The following SCRN3 variants were observed in gnomAD, a reference collection of about 807,000 sequenced individuals.
The protein encoded by SCRN3 is secernin 3.
In SCRN3, 39 loss-of-function variants were observed where a neutral mutation model predicts 43.1. That is an observed-to-expected ratio of 0.91 (90% CI 0.70 to 1.18). The LOEUF (loss-of-function observed/expected upper bound fraction) is 1.18. Ranked by LOEUF, SCRN3 falls within the 50% of genes most tolerant of loss-of-function variation. The probability of loss-of-function intolerance (pLI) is 0.00; values close to 1 mark genes in which losing one functional copy is unlikely to be tolerated. For synonymous variants in SCRN3, 147 were observed against 163.1 expected (o/e 0.90, Z 0.75); for missense variants, 484 against 498.0 (o/e 0.97, Z 0.27).
Position 174,424,500 on chromosome 2 carries a change from G to A in SCRN3, c.943G>A (p.Val315Met), listed in dbSNP as rs369969366. The A allele has an allele frequency of 3.2e-5, 51 of 1,608,396 alleles. No homozygotes were observed. Among genetic ancestry groups the A allele is most frequent in the Non-Finnish European group, 4.2e-5 (49 of 1,176,798 alleles). ...ERSVFKPFIF[V>M]PHISQLLDTS... ...ATCTGTTTTTAAGCCTTTCATATTTGTGCCACATATTTCACAACTATTGGA... is the reference window on the plus strand; with the variant it reads ...ATCTGTTTTTAAGCCTTTCATATTTATGCCACATATTTCACAACTATTGGA... The change falls in exon 7 of 8, where the codon GTG becomes ATG. Residue 315 changes from valine (V) to methionine (M), a missense_variant. Val to Met is a conservative substitution (Grantham distance 21). Coordinates refer to ENST00000272732, the MANE Select transcript of SCRN3 (RefSeq NM_024583.5).
intron 4 of SCRN3, among the ~76,000 whole-genome samples, chr2:174,401,559 A>G (rs533292401): frequency 6.6e-6 from 1 of 152,252 alleles, no homozygotes; most frequent in Admixed American, 6.5e-5. Context: ...AGGAAATGGG[A>G]GTGGGGTTAG....
intron 5 of SCRN3, among the ~76,000 whole-genome samples, chr2:174,411,147 T>C (rs1187034714): frequency 6.6e-6 from 1 of 152,156 alleles, no homozygotes; most frequent in Non-Finnish European, 1.5e-5. Context: ...TTGTGAGAGA[T>C]TGAACTCTCA....
At chr2:174,419,525 A>C (rs1410327237) in intron 5 of SCRN3, among the ~76,000 whole-genome samples, 1 of 152,096 alleles carries the variant, frequency 6.6e-6, no homozygotes, top group African/African-American at 2.4e-5. Context: ...AACTACAGGC[A>C]TGCATTACCA....
chr2:174,410,410 A>T (rs1420019969), intron 5 of SCRN3: 1 of 152,280 alleles, frequency 6.6e-6, no homozygotes, highest in African/African-American at 2.4e-5. Context: ...TGCAGAAATC[A>T]CCCCTCTTCT....
rs571563885 is a variant in SCRN3, at chr2:174,428,223, G to A, written c.*328G>A. 72 of 160,716 alleles carry A rather than the reference G, an allele frequency of 4.5e-4. No individual in the cohort carries two copies. Among genetic ancestry groups the A allele is most frequent in the Admixed American group, 1.4e-3 (22 of 15,544 alleles). 10.0% of individuals were successfully genotyped at this position (160,716 alleles called of 1,614,324 possible). ...ATAAAGAGTGAAACATTAAAATGAC[G>A]CATGGATTTATATTTATTATAATTA... On this transcript the variant is annotated 3_prime_UTR_variant, in exon 8 of 8. Transcript: ENST00000272732.
chr2:174,426,420 C>T (rs529541265), intron 7 of SCRN3, among the ~76,000 whole-genome samples: 12 of 152,258 alleles, frequency 7.9e-5, no homozygotes, highest in African/African-American at 2.4e-4. Context: ...ATACTGAAGT[C>T]CATGTTAAGG....
chr2:174,398,891 A>C (rs947777296), intron 2 of SCRN3, among the ~76,000 whole-genome samples: 3 of 152,214 alleles, frequency 2.0e-5, no homozygotes, highest in African/African-American at 7.2e-5. Flanking sequence ...TTTGATGGAC[A>C]AAAAGGATTC....
At chr2:174,426,640 CG>C (rs1686492909) in intron 7 of SCRN3, among the ~76,000 whole-genome samples, 1 of 151,754 alleles carries the variant, frequency 6.6e-6, no homozygotes, top group Non-Finnish European at 1.5e-5. Flanking sequence ...GGCTTGGTGG[CG>C]GGTGCCTGTA....
intron 2 of SCRN3, among the ~76,000 whole-genome samples, chr2:174,399,547 C>A (rs996980615): frequency 6.6e-6 from 1 of 152,190 alleles, no homozygotes; most frequent in African/African-American, 2.4e-5. Context: ...CCATCTTTCT[C>A]CTGAGCTCCA....
intron 5 of SCRN3, among the ~76,000 whole-genome samples, chr2:174,418,465 G>A (rs1022634807): frequency 6.6e-6 from 1 of 152,100 alleles, no homozygotes; most frequent in Non-Finnish European, 1.5e-5. Flanking sequence ...TAAATAACTA[G>A]CTTAAATTGC....
intron 5 of SCRN3, among the ~76,000 whole-genome samples, chr2:174,420,211 A>G (rs1686251208): frequency 6.6e-6 from 1 of 152,148 alleles, no homozygotes; most frequent in South Asian, 2.1e-4. Flanking sequence ...AGGGACAAAA[A>G]TTTGACTGGA....
Position 174,400,979 on chromosome 2 carries a change from T to A in SCRN3, c.342-11T>A. 6.3e-7 allele frequency: 1 copy of A among 1,575,714 alleles called. No homozygotes were observed. Among genetic ancestry groups the A allele is most frequent in the Non-Finnish European group, 8.6e-7 (1 of 1,160,638 alleles). On this transcript the variant is annotated splice_polypyrimidine_tract_variant and intron_variant, in intron 3 of 7. Transcript: ENST00000272732. ...TTATTTTAATATGAGAACTTTATATTTTTGTTTTAGACTTGGCCTTGAAAG... is the reference window on the plus strand; with the variant it reads ...TTATTTTAATATGAGAACTTTATATATTTGTTTTAGACTTGGCCTTGAAAG...
intron 7 of SCRN3, among the ~76,000 whole-genome samples, chr2:174,426,767 A>G (rs1686497090): frequency 6.8e-6 from 1 of 146,842 alleles, no homozygotes; most frequent in Non-Finnish European, 1.5e-5. Flanking sequence ...ATGAGACTCC[A>G]TCTCCAAAAC....
intron 4 of SCRN3, among the ~76,000 whole-genome samples, chr2:174,402,323 T>C (rs11677005): frequency 0.19 from 29,644 of 152,186 alleles, 3,380 homozygotes; most frequent in Middle Eastern, 0.37. Flanking sequence ...ATTTTGCCAA[T>C]TGTTTTCTCT....
intron 7 of SCRN3, among the ~76,000 whole-genome samples, chr2:174,426,553 A>G (rs968879558): frequency 1.3e-5 from 2 of 152,038 alleles, no homozygotes; most frequent in African/African-American, 4.8e-5. Context: ...GGGTAGATCA[A>G]CTTAGGTCAG....
At chr2:174,406,434 A>T (rs1574652066) in intron 5 of SCRN3, among the ~76,000 whole-genome samples, 1 of 135,974 alleles carries the variant, frequency 7.4e-6, no homozygotes, top group Admixed American at 7.3e-5. Flanking sequence ...TCTTTTCCTA[A>T]TTGAATACCC....
chr2:174,403,606 C>T (rs11695234), intron 4 of SCRN3, among the ~76,000 whole-genome samples: 31,123 of 152,020 alleles, frequency 0.2, 3,550 homozygotes, highest in Middle Eastern at 0.37. Flanking sequence ...AAACCAAAAG[C>T]TTACATATTA....
Position 174,428,491 on chromosome 2 carries a change from A to G in SCRN3, c.*596A>G, listed in dbSNP as rs1248690036. On this transcript the variant is annotated 3_prime_UTR_variant, in exon 8 of 8. Transcript: ENST00000272732. The stretch of plus-strand genomic sequence containing the variant: ...AACCAGTGAGCTTGTAGCTCTGATT[A>G]TCTAGCATTTTTAGGGTCATTCTCC... 1.3e-5 allele frequency: 2 copies of G among 152,602 alleles called. No homozygotes were observed. Among genetic ancestry groups the G allele is most frequent in the African/African-American group, 4.8e-5 (2 of 41,464 alleles). 9.5% of individuals were successfully genotyped at this position (152,602 alleles called of 1,614,324 possible).
rs185847411 is a variant in SCRN3 at position 174,415,552 on chromosome 2, A to T, written c.755-7333A>T. 3.3e-3 allele frequency among the ~76,000 whole-genome samples: 500 copies of T among 152,228 alleles called. 5 individuals carry two copies. The highest frequency in any genetic ancestry group is 0.012 in the African/African-American group (487 of 41,530). Reference sequence around the variant, plus strand: ...TTCCAGCAAAGTAAGCTTTATTTAGATTACTGAGTGGCAGATAATTGCTAA... The same window carrying T: ...TTCCAGCAAAGTAAGCTTTATTTAGTTTACTGAGTGGCAGATAATTGCTAA... On this transcript the variant is annotated intron_variant, in intron 5 of 7. Transcript: ENST00000272732.
Sources: allele counts gnomAD v4.1 joint callset (sites outside exome capture counted in the v4.1 genomes callset), GRCh38; gene constraint gnomAD v4.1.1; transcripts MANE v1.5; gene names NCBI Gene and HGNC (gene_info 2026-07-23, HGNC 2026-07-21).